The following ROBO2 variants were observed in gnomAD, a reference collection of about 807,000 sequenced individuals.
ROBO2 encodes roundabout guidance receptor 2.
ROBO2 carries 53 observed loss-of-function variants against 160.8 expected under a neutral mutation model. The observed-to-expected ratio is 0.33, with a 90% CI of 0.26 to 0.41. The LOEUF (loss-of-function observed/expected upper bound fraction) is 0.41, where lower values mean the gene tolerates loss of function less well. Ranked by LOEUF, ROBO2 falls within the 10% of genes least tolerant of loss-of-function variation. The pLI, the probability that ROBO2 is intolerant of heterozygous loss-of-function variation, is 1.00. For synonymous variants in ROBO2, 664 were observed against 611.7 expected, an observed-to-expected ratio of 1.09 and a Z score of -1.26; for missense variants, 1,577 against 1,722.4, an observed-to-expected ratio of 0.92 and a Z score of 1.49.
chr3:76,964,596 C>T (rs991181349), intron 2 of ROBO2, among the ~76,000 whole-genome samples: 1 of 152,170 alleles, frequency 6.6e-6, no homozygotes, highest in South Asian at 2.1e-4. Context: ...CCACCCTCCT[C>T]AGTCTCCAAT....
At chr3:77,098,113 C>T (rs753802495) in exon 2 of ROBO2, 11 of 1,614,094 alleles carry the variant, frequency 6.8e-6, no homozygotes, top group Non-Finnish European at 8.5e-6. Flanking sequence ...AACTGCAAGG[C>T]GGAGGGCCGG....
At chr3:76,696,297 C>A (rs1466281526) in intron 2 of ROBO2, among the ~76,000 whole-genome samples, 1 of 152,048 alleles carries the variant, frequency 6.6e-6, no homozygotes, top group African/African-American at 2.4e-5. Context: ...TCAACAAAGA[C>A]GTAATATTGC....
chr3:76,813,531 A>G (rs1410667743), intron 2 of ROBO2, among the ~76,000 whole-genome samples: 1 of 152,168 alleles, frequency 6.6e-6, no homozygotes, highest in Non-Finnish European at 1.5e-5. Flanking sequence ...GATAAGTGAC[A>G]AATGATGTAG....
chr3:76,293,939 A>T (rs1708936505), intron 2 of ROBO2, among the ~76,000 whole-genome samples: 1 of 152,098 alleles, frequency 6.6e-6, no homozygotes, highest in Non-Finnish European at 1.5e-5. Context: ...GTTTGTGCTG[A>T]GGGGGTGCCT....
At chr3:76,556,623 A>G (rs758889778) in intron 2 of ROBO2, among the ~76,000 whole-genome samples, 2 of 152,156 alleles carry the variant, frequency 1.3e-5, no homozygotes, top group Non-Finnish European at 2.9e-5. Flanking sequence ...GAATTTATTC[A>G]TTTCTATGCT....
intron 2 of ROBO2, among the ~76,000 whole-genome samples, chr3:76,061,571 A>G (rs2068070622): frequency 6.6e-6 from 1 of 152,188 alleles, no homozygotes; most frequent in Non-Finnish European, 1.5e-5. Flanking sequence ...TGTGAAAAAA[A>G]CATATTTTAT....
At chr3:76,126,050 G>A (rs941649667) in intron 2 of ROBO2, among the ~76,000 whole-genome samples, 2 of 152,034 alleles carry the variant, frequency 1.3e-5, no homozygotes, top group Non-Finnish European at 2.9e-5. Flanking sequence ...CTGATCTCAG[G>A]TGATCCACCC....
At position 76,481,593 on chromosome 3, in the gene ROBO2, T is replaced by C. The variant is rs143065485; in HGVS notation, c.109+543991T>C. Among the ~76,000 whole-genome samples, 37 of 152,274 alleles carry C rather than the reference T, an allele frequency of 2.4e-4. No homozygotes were observed. In the East Asian group the frequency reaches 6.0e-3, roughly 25 times the overall value. On this transcript the variant is annotated intron_variant, in intron 2 of 26. Transcript: ENST00000487694. ...ACTGTAGCTATGCGGAAGCAATATC[T>C]CTTAAAGTTTGCATCAGCATCATCT... is the stretch of plus-strand genomic sequence containing the variant.
At chr3:76,431,069 T>C (rs1038457174) in intron 2 of ROBO2, among the ~76,000 whole-genome samples, 2 of 152,062 alleles carry the variant, frequency 1.3e-5, no homozygotes, top group African/African-American at 4.8e-5. Flanking sequence ...AACTCAGCAG[T>C]AGAAGAAACA....
intron 2 of ROBO2, among the ~76,000 whole-genome samples, chr3:76,879,150 C>T (rs752437839): frequency 6.6e-6 from 1 of 152,096 alleles, no homozygotes; most frequent in Non-Finnish European, 1.5e-5. Context: ...GTTCATTGCT[C>T]TACTGAGTTT....
At chr3:76,669,626 T>C (rs149267722) in intron 2 of ROBO2, among the ~76,000 whole-genome samples, 392 of 152,252 alleles carry the variant, frequency 2.6e-3, no homozygotes, top group African/African-American at 9.1e-3. Flanking sequence ...AATGTTAGCA[T>C]ATTCTTTGGC....
At chr3:76,906,838 G>A (rs968217520) in intron 2 of ROBO2, among the ~76,000 whole-genome samples, 4 of 151,566 alleles carry the variant, frequency 2.6e-5, no homozygotes, top group Non-Finnish European at 5.9e-5. Context: ...TCTCTATATT[G>A]GTATCTCTCT....
chr3:77,471,143 G>T (rs959385730), intron 2 of ROBO2, among the ~76,000 whole-genome samples: 2 of 152,160 alleles, frequency 1.3e-5, no homozygotes, highest in African/African-American at 2.4e-5. Flanking sequence ...GTATCTTTCA[G>T]AAGTCCATTA....
At chr3:77,187,465 C>G (rs2081384034) in intron 2 of ROBO2, among the ~76,000 whole-genome samples, 1 of 151,840 alleles carries the variant, frequency 6.6e-6, no homozygotes. Context: ...GTAAAATATC[C>G]TTATATTTAT....
intron 2 of ROBO2, among the ~76,000 whole-genome samples, chr3:76,337,621 A>G (rs1000796643): frequency 6.6e-6 from 1 of 152,174 alleles, no homozygotes; most frequent in Non-Finnish European, 1.5e-5. Flanking sequence ...ATGGAAGAAG[A>G]GAAAGGAGTC....
intron 2 of ROBO2, among the ~76,000 whole-genome samples, chr3:76,003,200 C>T (rs2065935979): frequency 6.6e-6 from 1 of 152,102 alleles, no homozygotes; most frequent in Admixed American, 6.5e-5. Context: ...ACCCTATGCC[C>T]TCTCTTAATC....
At chr3:76,322,163 C>T (rs35868147) in intron 2 of ROBO2, among the ~76,000 whole-genome samples, 3 of 40,154 alleles carry the variant, frequency 7.5e-5, no homozygotes, top group Non-Finnish European at 9.5e-5. Context: ...CTACTTCTTC[C>T]GTATATATAT....
At position 77,565,481 on chromosome 3, in the gene ROBO2, T is replaced by A. The variant is rs1350401635; in HGVS notation, c.1849+361T>A. Among the ~76,000 whole-genome samples the A allele has an allele frequency of 2.0e-5, 3 of 152,214 alleles. No homozygotes were observed. In the South Asian group the frequency reaches 6.2e-4, roughly 32 times the overall value. On this transcript the variant is annotated intron_variant, in intron 12 of 25. Transcript: ENST00000461745. ...ATGAGTAGATGCCCAAATAGAGGTA[T>A]AAAAATTATGTCCTATTGTTTCGGA...
intron 2 of ROBO2, among the ~76,000 whole-genome samples, chr3:76,300,327 C>G (rs572302727): frequency 1.3e-5 from 2 of 150,182 alleles, no homozygotes; most frequent in Non-Finnish European, 3.0e-5. Context: ...TTAAATAGGT[C>G]TGTGTCAAAA....
Sources: allele counts gnomAD v4.1 joint callset (sites outside exome capture counted in the v4.1 genomes callset), GRCh38; gene constraint gnomAD v4.1.1; transcripts MANE v1.5; gene names NCBI Gene and HGNC (gene_info 2026-07-23, HGNC 2026-07-21).